DIAPH2: variants seen among roughly 807,000 people sequenced by gnomAD.
The protein encoded by DIAPH2 is diaphanous related formin 2.
Under a neutral mutation model 92.7 loss-of-function variants are expected in DIAPH2, and 35 were observed. The observed-to-expected ratio is 0.38, with a 90% CI of 0.29 to 0.50. The LOEUF is 0.50. Ranked by LOEUF, DIAPH2 falls within the 20% of genes least tolerant of loss-of-function variation. DIAPH2 has a pLI of 0.94. For synonymous variants in DIAPH2, 301 were observed against 280.4 expected, an observed-to-expected ratio of 1.07 and a Z score of -0.73; for missense variants, 701 against 819.5, an observed-to-expected ratio of 0.86 and a Z score of 1.77.
rs1243500185 is a variant in DIAPH2, at chrX:97,055,853, G to C, written c.2051-17088G>C. Among the ~76,000 whole-genome samples, 6 of 111,666 alleles carry C rather than the reference G, an allele frequency of 5.4e-5. No individual in the cohort carries two copies. The Admixed American group carries it at 5.7e-4, about 11-fold the overall frequency. Reference sequence around the variant, plus strand: ...AACTATTAGTAATTTAATAAATTCAGTAGCTTCCTATATCGATGTATATAC... The same window carrying C: ...AACTATTAGTAATTTAATAAATTCACTAGCTTCCTATATCGATGTATATAC... On this transcript the variant is annotated intron_variant, in intron 17 of 26. Coordinates refer to ENST00000324765, the MANE Select transcript of DIAPH2 (RefSeq NM_006729.5).
chrX:97,541,089 C>T (rs2071136845), intron 26 of DIAPH2, among the ~76,000 whole-genome samples: 1 of 111,449 alleles, frequency 9.0e-6, no homozygotes, highest in Non-Finnish European at 1.9e-5. Context: ...CAATAAAAAT[C>T]ACCCATGCCT....
intron 4 of DIAPH2, among the ~76,000 whole-genome samples, chrX:96,777,430 G>A (rs1041021252): frequency 3.1e-5 from 3 of 97,703 alleles, no homozygotes; most frequent in African/African-American, 1.2e-4. Flanking sequence ...AAATCTAGAG[G>A]TGTAGAGTGG....
intron 10 of DIAPH2, among the ~76,000 whole-genome samples, chrX:96,933,398 C>G (rs960970556): frequency 9.4e-6 from 1 of 105,948 alleles, no homozygotes; most frequent in African/African-American, 3.4e-5. Context: ...GGCACAATCA[C>G]AGCTCGCTGC....
intron 25 of DIAPH2, among the ~76,000 whole-genome samples, chrX:97,392,078 A>G (rs773875919): frequency 8.9e-6 from 1 of 112,052 alleles, no homozygotes; most frequent in African/African-American, 3.2e-5. Context: ...ATTAAGTGGT[A>G]TTACTAAAAA....
intron 26 of DIAPH2, among the ~76,000 whole-genome samples, chrX:97,516,307 A>C (rs886853425): frequency 3.6e-5 from 4 of 111,959 alleles, no homozygotes; most frequent in African/African-American, 1.3e-4. Flanking sequence ...GTACTCCATC[A>C]ATAGGTATTT....
intron 22 of DIAPH2, among the ~76,000 whole-genome samples, chrX:97,201,188 G>A (rs2067746539): frequency 1.0e-5 from 1 of 96,616 alleles, no homozygotes; most frequent in Non-Finnish European, 2.0e-5. Flanking sequence ...ATCAAAGGTA[G>A]ATAAATCCAT....
chrX:96,771,944 A>G (rs1019666584), intron 4 of DIAPH2, among the ~76,000 whole-genome samples: 14 of 110,531 alleles, frequency 1.3e-4, no homozygotes, highest in Non-Finnish European at 2.6e-4. Flanking sequence ...AGGTTGAGGT[A>G]GGAGAATCTC....
intron 26 of DIAPH2, among the ~76,000 whole-genome samples, chrX:97,432,485 T>C (rs951818755): frequency 1.7e-4 from 19 of 109,087 alleles, no homozygotes; most frequent in Non-Finnish European, 2.9e-4. Context: ...ATTTTATTTT[T>C]ATTTTTATTT....
chrX:97,426,654 C>A (rs1276590753), intron 25 of DIAPH2, among the ~76,000 whole-genome samples: 1 of 111,029 alleles, frequency 9.0e-6, no homozygotes, highest in Non-Finnish European at 1.9e-5. Flanking sequence ...TCTAACAAGT[C>A]TTTCTAAAGA....
At chrX:96,918,305 G>A (rs1381808978) in intron 8 of DIAPH2, among the ~76,000 whole-genome samples, 1 of 111,318 alleles carries the variant, frequency 9.0e-6, no homozygotes, top group Non-Finnish European at 1.9e-5. Context: ...ATGTTAATTA[G>A]CTTGATTTAG....
At chrX:97,086,257 G>A (rs1448188964) in intron 19 of DIAPH2, among the ~76,000 whole-genome samples, 1 of 111,304 alleles carries the variant, frequency 9.0e-6, no homozygotes, top group Non-Finnish European at 1.9e-5. Context: ...GAACCTGCAG[G>A]ACATTGTGCT....
At chrX:97,157,890 C>G (rs1297038934) in intron 22 of DIAPH2, among the ~76,000 whole-genome samples, 1 of 112,018 alleles carries the variant, frequency 8.9e-6, no homozygotes, top group East Asian at 2.8e-4. Flanking sequence ...ATAGTTAGCG[C>G]AGAAAAGTAT....
At chrX:97,098,107 C>T (rs2066881414) in intron 19 of DIAPH2, among the ~76,000 whole-genome samples, 1 of 111,438 alleles carries the variant, frequency 9.0e-6, no homozygotes, top group Non-Finnish European at 1.9e-5. Context: ...ATGGGGAGAA[C>T]AAAAGGGTAC....
intron 25 of DIAPH2, among the ~76,000 whole-genome samples, chrX:97,388,969 C>G (rs982361196): frequency 9.0e-6 from 1 of 111,568 alleles, no homozygotes; most frequent in African/African-American, 3.3e-5. Context: ...CAATCTGATT[C>G]AATATCATTC....
intron 22 of DIAPH2, among the ~76,000 whole-genome samples, chrX:97,226,364 A>ATTTTG (rs762359546): frequency 0.025 from 2,487 of 101,276 alleles, 31 homozygotes; most frequent in Middle Eastern, 0.038. Flanking sequence ...TTTTTGTTTT[A>ATTTTG]TTTTGTTTTG....
In DIAPH2 at chrX:97,266,655, C is replaced by G. The variant is rs1374059060; in HGVS notation, c.2844+18816C>G. On this transcript the variant is annotated intron_variant, in intron 23 of 26. Transcript: ENST00000324765. ...GTAAAAGAAAATTTAGAAAGAAACACAGAGCACAAACCCTTTATCCTGGTA... is the reference window on the plus strand; with the variant it reads ...GTAAAAGAAAATTTAGAAAGAAACAGAGAGCACAAACCCTTTATCCTGGTA... Among the ~76,000 whole-genome samples the G allele has an allele frequency of 2.7e-5, 3 of 112,305 alleles. No individual in the cohort carries two copies. In the East Asian group the frequency reaches 8.4e-4, roughly 31 times the overall value.
intron 21 of DIAPH2, among the ~76,000 whole-genome samples, chrX:97,119,657 G>A (rs1042214410): frequency 2.7e-5 from 3 of 111,779 alleles, no homozygotes; most frequent in Non-Finnish European, 1.9e-5. Context: ...AGCATGGGTA[G>A]GGAAGGGCCA....
chrX:96,830,570 CAAAAAAAAAAAA>C (rs776270215), intron 4 of DIAPH2, among the ~76,000 whole-genome samples: 5 of 13,440 alleles, frequency 3.7e-4, no homozygotes, highest in African/African-American at 7.2e-4. Flanking sequence ...GACTCAGTCT[CAAAAAAAAAAAA>C]AAAAAAAAAA....
At chrX:96,777,484 G>A (rs2064384703) in intron 4 of DIAPH2, among the ~76,000 whole-genome samples, 1 of 110,899 alleles carries the variant, frequency 9.0e-6, no homozygotes, top group Non-Finnish European at 1.9e-5. Context: ...AGGAAATCTT[G>A]TAAACCTCTA....
Sources: allele counts gnomAD v4.1 joint callset (sites outside exome capture counted in the v4.1 genomes callset), GRCh38; gene constraint gnomAD v4.1.1; transcripts MANE v1.5; gene names NCBI Gene and HGNC (gene_info 2026-07-23, HGNC 2026-07-21).